Variants in ATXN1 observed in about 807,000 individuals in gnomAD.
ATXN1 encodes the protein ataxin 1.
In ATXN1, 8 loss-of-function variants were observed where a neutral mutation model predicts 56.4. That is an observed-to-expected ratio of 0.14 (90% CI 0.08 to 0.26). The LOEUF is 0.26. Among genes scored for constraint, ATXN1 ranks in the 10% least tolerant of loss-of-function variants. The probability of loss-of-function intolerance (pLI) is 1.00; values close to 1 mark genes in which losing one functional copy is unlikely to be tolerated. For missense variants in ATXN1, 987 were observed against 1,106.5 expected, an observed-to-expected ratio of 0.89 and a Z score of 1.53; for synonymous variants, 514 against 494.6, an observed-to-expected ratio of 1.04 and a Z score of -0.52.
intron 2 of ATXN1, among the ~76,000 whole-genome samples, chr6:16,678,911 C>A (rs1035585627): frequency 1.3e-5 from 2 of 152,082 alleles, no homozygotes; most frequent in African/African-American, 4.8e-5. Flanking sequence ...TGGAGCATGC[C>A]TATAATCCCA....
intron 5 of ATXN1, among the ~76,000 whole-genome samples, chr6:16,499,004 T>C (rs973953461): frequency 1.3e-5 from 2 of 152,232 alleles, no homozygotes; most frequent in Admixed American, 1.3e-4. Context: ...TTGATACTGA[T>C]GAAGTCCAAT....
intron 3 of ATXN1, among the ~76,000 whole-genome samples, chr6:16,647,747 A>T (rs909729693): frequency 4.6e-5 from 7 of 152,218 alleles, no homozygotes; most frequent in Non-Finnish European, 7.3e-5. Flanking sequence ...CGTGTTGTAC[A>T]CAAATTTTGT....
chr6:16,608,974 A>T (rs1763058483), intron 3 of ATXN1, among the ~76,000 whole-genome samples: 1 of 152,188 alleles, frequency 6.6e-6, no homozygotes. Context: ...CATTTCCCAC[A>T]AATATAAAGA....
At chr6:16,481,519 T>C (rs934042891) in intron 6 of ATXN1, among the ~76,000 whole-genome samples, 16 of 152,212 alleles carry the variant, frequency 1.1e-4, no homozygotes, top group Admixed American at 9.8e-4. Context: ...TCTCCATTTC[T>C]TCCTAGGAAT....
At chr6:16,600,724 G>A (rs965461674) in intron 3 of ATXN1, among the ~76,000 whole-genome samples, 7 of 152,172 alleles carry the variant, frequency 4.6e-5, no homozygotes, top group Non-Finnish European at 8.8e-5. Flanking sequence ...AACAACAAAT[G>A]TTTGTTTGGA....
In ATXN1 at chr6:16,326,959, G is replaced by A. The variant is rs1296970267; in HGVS notation, c.1352C>T (p.Thr451Met). ...SEPLPVGLPA[T>M]AFYAGTQPPV... ...GGGTTGAGTCCCTGCGTAGAAGGCC[G>A]TGGCTGGCAGTCCCACCGGGAGTGG... is the stretch of plus-strand genomic sequence containing the variant. The change falls in exon 7 of 8, where the codon ACG becomes ATG. Residue 451 changes from threonine to methionine, a missense_variant. Physicochemically the swap from Thr to Met is moderately conservative, Grantham distance 81. Around this residue, in one of 3 missense-constraint regions of ATXN1, gnomAD observed 723 missense variants for 791.7 expected, o/e 0.91. Coordinates refer to ENST00000436367, the MANE Select transcript of ATXN1 (RefSeq NM_001128164.2). This position sits in a 1 kb window ranked among gnomAD's most constrained non-coding sequence, Gnocchi z 6.6. 11 of 1,614,032 alleles carry A rather than the reference G, an allele frequency of 6.8e-6. No homozygotes were observed. The highest frequency in any genetic ancestry group is 2.2e-5 in the East Asian group (1 of 44,894).
chr6:16,498,166 T>C (rs1388912659), intron 5 of ATXN1, among the ~76,000 whole-genome samples: 1 of 152,160 alleles, frequency 6.6e-6, no homozygotes, highest in Non-Finnish European at 1.5e-5. Context: ...TCTCAGCCCC[T>C]GGCAAAGACT....
intron 5 of ATXN1, among the ~76,000 whole-genome samples, chr6:16,490,481 T>C (rs568344965): frequency 6.6e-6 from 1 of 152,244 alleles, no homozygotes; most frequent in Non-Finnish European, 1.5e-5. Context: ...CTTAAAACTC[T>C]GGAGCTTGAT....
At chr6:16,620,234 T>C (rs1763293632) in intron 3 of ATXN1, among the ~76,000 whole-genome samples, 1 of 138,228 alleles carries the variant, frequency 7.2e-6, no homozygotes, top group South Asian at 2.2e-4. Flanking sequence ...TTCACATACA[T>C]ATTCTCTCTC....
chr6:16,491,929 G>A (rs1760673717), intron 5 of ATXN1, among the ~76,000 whole-genome samples: 1 of 152,310 alleles, frequency 6.6e-6, no homozygotes. Context: ...GCCAGGACCT[G>A]AGAGTGGCCC....
intron 6 of ATXN1, among the ~76,000 whole-genome samples, chr6:16,335,266 G>A (rs150735681): frequency 6.6e-6 from 1 of 152,340 alleles, no homozygotes; most frequent in East Asian, 1.9e-4. Flanking sequence ...CAGGCCTCTT[G>A]GCCCAAAATG....
At position 16,673,673 on chromosome 6, in the gene ATXN1, G is replaced by A. The variant is rs544428305; in HGVS notation, c.-614-15772C>T. Among the ~76,000 whole-genome samples, 3 of 152,146 alleles carry A rather than the reference G, an allele frequency of 2.0e-5. No individual in the cohort carries two copies. In the South Asian group the frequency reaches 6.2e-4, roughly 32 times the overall value. The stretch of plus-strand genomic sequence containing the variant: ...ATCATTCATTCATTCATTCATTCAA[G>A]AGACCCCTGACTCTGCTGCCCAGGC... On this transcript the variant is annotated intron_variant, in intron 2 of 7. Coordinates refer to ENST00000436367, the MANE Select transcript of ATXN1 (RefSeq NM_001128164.2).
chr6:16,347,162 C>T (rs1383486162), intron 6 of ATXN1, among the ~76,000 whole-genome samples: 1 of 152,228 alleles, frequency 6.6e-6, no homozygotes, highest in Non-Finnish European at 1.5e-5. Context: ...GCCTCCCCGA[C>T]GAGCGCCGCC....
chr6:16,714,181 CCACACACACACACACA>C lies in ATXN1; in HGVS notation c.-615+39036_-615+39051del, dbSNP rs70999343. ...AAAGAAAGAAAAAAAAAACCACACA[CCACACACACACACACA>C]CACACACACACACACACACACACAC... On this transcript the variant is annotated intron_variant, in intron 2 of 7. Coordinates refer to ENST00000436367, the MANE Select transcript of ATXN1 (RefSeq NM_001128164.2). Among the ~76,000 whole-genome samples, 630 of 137,616 alleles carry C rather than the reference CCACACACACACACACA, an allele frequency of 4.6e-3. 10 individuals carry two copies. Among genetic ancestry groups the C allele is most frequent in the South Asian group, 7.3e-3 (31 of 4,258 alleles). The allele number at this position is 137,616 out of a possible 152,430, so 90.3% of individuals were successfully genotyped here. A position where few individuals can be genotyped will look rare whatever the true frequency, so the allele number is the denominator to read the frequency against.
intron 4 of ATXN1, among the ~76,000 whole-genome samples, chr6:16,529,208 G>GTT (rs57446118): frequency 4.2e-4 from 52 of 123,330 alleles, no homozygotes; most frequent in Non-Finnish European, 6.0e-4. Context: ...AGGGTTTTTT[G>GTT]TTTTTTTTTT....
intron 3 of ATXN1, among the ~76,000 whole-genome samples, chr6:16,634,258 C>T (rs1297105595): frequency 6.6e-6 from 1 of 152,194 alleles, no homozygotes; most frequent in Non-Finnish European, 1.5e-5. Flanking sequence ...TTAGCAAGCA[C>T]TACCATGGAT....
At chr6:16,457,548 A>G (rs770304527) in intron 6 of ATXN1, among the ~76,000 whole-genome samples, 3 of 152,146 alleles carry the variant, frequency 2.0e-5, no homozygotes, top group Non-Finnish European at 4.4e-5. Flanking sequence ...TCTGGCCTTA[A>G]TATTATCTCT....
chr6:16,551,131 G>A (rs1035287234), intron 4 of ATXN1, among the ~76,000 whole-genome samples: 1 of 152,202 alleles, frequency 6.6e-6, no homozygotes, highest in African/African-American at 2.4e-5. Flanking sequence ...AAAAATCTTG[G>A]ATAAGTTCCT....
At chr6:16,582,292 C>T (rs1483656892) in intron 4 of ATXN1, among the ~76,000 whole-genome samples, 1 of 152,170 alleles carries the variant, frequency 6.6e-6, no homozygotes, top group Non-Finnish European at 1.5e-5. Flanking sequence ...CTGTATCTCC[C>T]TGAGAACTGT....
Sources: allele counts gnomAD v4.1 joint callset (sites outside exome capture counted in the v4.1 genomes callset), GRCh38; gene constraint gnomAD v4.1.1; regional missense constraint gnomAD v4.1.1; non-coding constraint Gnocchi (gnomAD v3.1); transcripts MANE v1.5; gene names NCBI Gene and HGNC (gene_info 2026-07-23, HGNC 2026-07-21).